FOXP2: variants seen among roughly 807,000 people sequenced by gnomAD.
FOXP2 encodes the protein forkhead box P2, also known as forkhead box protein P2.
In FOXP2, 12 loss-of-function variants were observed where a neutral mutation model predicts 115.8. The ratio of observed to expected loss-of-function variants is 0.10; its 90% CI spans 0.07 to 0.17. FOXP2 has a LOEUF of 0.17. Among genes scored for constraint, FOXP2 ranks in the 10% least tolerant of loss-of-function variants. FOXP2 has a pLI of 1.00. For missense variants in FOXP2, 629 were observed against 843.5 expected (o/e 0.75, Z 3.15); for synonymous variants, 328 against 297.7 (o/e 1.10, Z -1.05).
At chr7:114,479,367 T>A (rs1796423413) in intron 2 of FOXP2, among the ~76,000 whole-genome samples, 1 of 151,534 alleles carries the variant, frequency 6.6e-6, no homozygotes. Flanking sequence ...GCTTATTTGA[T>A]TAGAAATGCT....
intron 2 of FOXP2, among the ~76,000 whole-genome samples, chr7:114,339,518 G>A (rs1791148537): frequency 6.6e-6 from 1 of 150,822 alleles, no homozygotes; most frequent in Non-Finnish European, 1.5e-5. Flanking sequence ...TTACTGTTTG[G>A]ATTTTTTGCT....
At chr7:114,313,074 T>C (rs1025315817) in intron 2 of FOXP2, among the ~76,000 whole-genome samples, 1 of 152,234 alleles carries the variant, frequency 6.6e-6, no homozygotes. Context: ...CTGAACATCT[T>C]CATGGTGCAA....
chr7:114,414,379 A>G (rs1343282132), upstream of FOXP2: 1 of 152,518 alleles, frequency 6.6e-6, no homozygotes, highest in Non-Finnish European at 1.5e-5. Context: ...CTAAGAAAAC[A>G]TCTGTGGCAG....
At chr7:114,591,991 A>G (rs544100178) in intron 3 of FOXP2, among the ~76,000 whole-genome samples, 26 of 152,250 alleles carry the variant, frequency 1.7e-4, no homozygotes, top group African/African-American at 6.3e-4. Flanking sequence ...TTAAAAAGCC[A>G]TGTGTGGCTA....
chr7:114,412,655 G>C (rs1793193242), upstream of FOXP2, among the ~76,000 whole-genome samples: 1 of 152,128 alleles, frequency 6.6e-6, no homozygotes, highest in Non-Finnish European at 1.5e-5. Flanking sequence ...GACGTACCCC[G>C]ATGCAGCTTT....
intron 2 of FOXP2, among the ~76,000 whole-genome samples, chr7:114,448,862 C>G (rs1226797642): frequency 1.3e-5 from 2 of 152,010 alleles, no homozygotes; most frequent in African/African-American, 4.8e-5. Context: ...CTTTCAGAAA[C>G]AGAGCAGGAT....
At chr7:114,457,109 A>T (rs1299401437) in intron 2 of FOXP2, among the ~76,000 whole-genome samples, 1 of 152,174 alleles carries the variant, frequency 6.6e-6, no homozygotes, top group African/African-American at 2.4e-5. Context: ...AACTCTAGTT[A>T]TAATACCCAC....
chr7:114,641,196 ACT>A (rs1305953416), intron 6 of FOXP2, among the ~76,000 whole-genome samples: 2 of 152,096 alleles, frequency 1.3e-5, no homozygotes, highest in African/African-American at 2.4e-5. Context: ...AATCATACCA[ACT>A]CTATTAGTTT....
At chr7:114,438,531 T>TA (rs1019169707) in intron 2 of FOXP2, among the ~76,000 whole-genome samples, 1 of 151,592 alleles carries the variant, frequency 6.6e-6, no homozygotes, top group Non-Finnish European at 1.5e-5. Context: ...AAAATAACAA[T>TA]AAAAATATAT....
intron 1 of FOXP2, chr7:114,416,195 G>A (rs1023904657): frequency 6.6e-6 from 1 of 151,960 alleles, no homozygotes; most frequent in Non-Finnish European, 1.5e-5. Context: ...ATTGCCTGAT[G>A]ACAACTGAAA....
At chr7:114,239,984 G>T (rs1054632786) in intron 1 of FOXP2, among the ~76,000 whole-genome samples, 10 of 152,228 alleles carry the variant, frequency 6.6e-5, no homozygotes, top group South Asian at 4.1e-4. Context: ...ATGGGCAAGG[G>T]TTTACTTAAA....
At chr7:114,179,048 C>T (rs532732409) in intron 1 of FOXP2, among the ~76,000 whole-genome samples, 1 of 151,924 alleles carries the variant, frequency 6.6e-6, no homozygotes, top group African/African-American at 2.4e-5. Flanking sequence ...CCAATTATTG[C>T]CAGCATCTTA....
rs537599629 is a variant in FOXP2 at position 114,288,933 on chromosome 7, G to A, written c.-11+824G>A. On this transcript the variant is annotated intron_variant, in intron 2 of 17. Coordinates refer to the FOXP2 transcript ENST00000634411. ...AAGAGAGAGGGAAACCAAAATGCCCGGGCTTCTTCAGAATTCTTCATTAAG... is the reference window on the plus strand; with the variant it reads ...AAGAGAGAGGGAAACCAAAATGCCCAGGCTTCTTCAGAATTCTTCATTAAG... 3.9e-4 allele frequency among the ~76,000 whole-genome samples: 59 copies of A among 151,754 alleles called. No homozygotes were observed. The South Asian group carries it at 7.3e-3, about 19-fold the overall frequency.
chr7:114,116,575 T>C lies in FOXP2; in HGVS notation c.-247+28737T>C, dbSNP rs1208220571. On this transcript the variant is annotated intron_variant, in intron 1 of 19. Coordinates refer to the FOXP2 transcript ENST00000635638. The stretch of plus-strand genomic sequence containing the variant: ...ACAGCTGTAAATGAGAATAGGAAAA[T>C]AAAGATTGACTCCAATTCAAGAAAA... Among the ~76,000 whole-genome samples the C allele has an allele frequency of 2.6e-5, 4 of 151,854 alleles. No homozygotes were observed. The East Asian group carries it at 5.8e-4, about 22-fold the overall frequency.
At chr7:114,613,539 G>T (rs1803748146) in intron 3 of FOXP2, among the ~76,000 whole-genome samples, 1 of 151,920 alleles carries the variant, frequency 6.6e-6, no homozygotes, top group Non-Finnish European at 1.5e-5. Flanking sequence ...GCCAGGCGTG[G>T]TGGCAGGTGC....
At chr7:114,489,193 T>A (rs1796924954) in intron 2 of FOXP2, among the ~76,000 whole-genome samples, 2 of 152,320 alleles carry the variant, frequency 1.3e-5, no homozygotes, top group South Asian at 4.1e-4. Context: ...CTTTTTGTAA[T>A]TAAGATTAAT....
At chr7:114,268,726 GTGTGT>G (rs1473000038) in intron 1 of FOXP2, among the ~76,000 whole-genome samples, 14 of 151,728 alleles carry the variant, frequency 9.2e-5, no homozygotes, top group African/African-American at 2.9e-4. Flanking sequence ...GTGTGTGTGT[GTGTGT>G]ATGTGTGTAT....
chr7:114,495,001 A>G (rs1480561884), intron 2 of FOXP2, among the ~76,000 whole-genome samples: 1 of 152,216 alleles, frequency 6.6e-6, no homozygotes, highest in Non-Finnish European at 1.5e-5. Flanking sequence ...AATGTTCACC[A>G]TTCTTATGAA....
chr7:114,684,357 G>A (rs1445083329), intron 16 of FOXP2, among the ~76,000 whole-genome samples: 1 of 152,178 alleles, frequency 6.6e-6, no homozygotes, highest in Non-Finnish European at 1.5e-5. Flanking sequence ...GGGGACCTCC[G>A]AGGTCTTCTC....
Sources: gnomAD v4.1 joint callset for allele counts (sites outside exome capture counted in the v4.1 genomes callset) on GRCh38, gnomAD v4.1.1 for gene constraint, MANE v1.5 for transcripts, NCBI Gene and HGNC (gene_info 2026-07-23, HGNC 2026-07-21) for gene names.